Variants in MTMR8 observed in about 807,000 individuals in gnomAD.
MTMR8 encodes the protein myotubularin related protein 8, also known as phosphatidylinositol-3,5-bisphosphate 3-phosphatase MTMR8.
Under a neutral mutation model 39.3 loss-of-function variants are expected in MTMR8, and 65 were observed. That is an observed-to-expected ratio of 1.65 (90% CI 1.35 to 2.03). The LOEUF is 2.03. MTMR8 is among the 30% of genes most tolerant of loss of function. MTMR8 has a pLI of 0.00. For synonymous variants in MTMR8, 245 were observed against 185.2 expected (o/e 1.32, Z -2.62); for missense variants, 777 against 538.9 (o/e 1.44, Z -4.37).
At chrX:64,288,602 A>G (rs1171533178) in intron 12 of MTMR8, among the ~76,000 whole-genome samples, 1 of 112,032 alleles carries the variant, frequency 8.9e-6, no homozygotes, top group African/African-American at 3.2e-5. Flanking sequence ...ACAATAGCAA[A>G]GACTTGGAAC....
chrX:64,392,582 TTTTG>T (rs768992902), intron 1 of MTMR8, among the ~76,000 whole-genome samples: 5 of 110,605 alleles, frequency 4.5e-5, no homozygotes, highest in African/African-American at 1.0e-4. Flanking sequence ...ATGTTCTTTT[TTTTG>T]TTTGTTTGTT....
At chrX:64,367,295 A>T (rs1470425743) in intron 1 of MTMR8, among the ~76,000 whole-genome samples, 1 of 111,924 alleles carries the variant, frequency 8.9e-6, no homozygotes, top group African/African-American at 3.3e-5. Context: ...AGCCGGGCAG[A>T]GACACAACAA....
At chrX:64,304,207 A>T (rs1435895817) in intron 12 of MTMR8, among the ~76,000 whole-genome samples, 1 of 112,227 alleles carries the variant, frequency 8.9e-6, no homozygotes, top group Non-Finnish European at 1.9e-5. Flanking sequence ...AAGGGGAAAT[A>T]GAAAACATAA....
intron 12 of MTMR8, among the ~76,000 whole-genome samples, chrX:64,302,594 G>A (rs1433729566): frequency 1.8e-5 from 2 of 111,929 alleles, no homozygotes; most frequent in Non-Finnish European, 3.8e-5. Flanking sequence ...TCCTCCCCTC[G>A]GACCCTATGC....
At chrX:64,296,506 T>A (rs778128643) in intron 12 of MTMR8, among the ~76,000 whole-genome samples, 1 of 109,476 alleles carries the variant, frequency 9.1e-6, no homozygotes, top group Admixed American at 9.9e-5. Flanking sequence ...AAAAATACCA[T>A]GGGGCCAGAG....
intron 1 of MTMR8, among the ~76,000 whole-genome samples, chrX:64,367,024 C>T (rs190604006): frequency 2.8e-3 from 314 of 111,717 alleles, no homozygotes; most frequent in Admixed American, 4.7e-3. Context: ...TGGAAAAATT[C>T]CTGGGCACAT....
chrX:64,354,059 C>T (rs1322420169), intron 4 of MTMR8, among the ~76,000 whole-genome samples: 1 of 104,713 alleles, frequency 9.5e-6, no homozygotes, highest in Non-Finnish European at 2.0e-5. Context: ...ATGAACAAAG[C>T]ATAGAAAGAC....
In MTMR8 at chrX:64,376,336, T is replaced by C. The variant is rs1924266185; in HGVS notation, c.25-16809A>G. 8.0e-5 allele frequency among the ~76,000 whole-genome samples: 9 copies of C among 112,148 alleles called. No homozygotes were observed. In the Admixed American group the frequency reaches 8.5e-4, roughly 11 times the overall value. On this transcript the variant is annotated intron_variant, in intron 1 of 13. Coordinates refer to ENST00000374852, the MANE Select transcript of MTMR8 (RefSeq NM_017677.4). ...AAAGTTTGGAACTTCCTAGAGTTGTTGAATGGTCGTGACCAAAATGTTGAT... is the reference window on the plus strand; with the variant it reads ...AAAGTTTGGAACTTCCTAGAGTTGTCGAATGGTCGTGACCAAAATGTTGAT...
chrX:64,365,843 G>A (rs998778417), intron 1 of MTMR8, among the ~76,000 whole-genome samples: 2 of 111,561 alleles, frequency 1.8e-5, no homozygotes, highest in Non-Finnish European at 3.8e-5. Flanking sequence ...AGACCCATCA[G>A]TGTGCTGTAT....
chrX:64,345,000 C>G (rs771993787), intron 7 of MTMR8, 45 bp downstream of exon 7: 1 of 1,188,423 alleles, frequency 8.4e-7, no homozygotes, highest in Non-Finnish European at 1.1e-6. Flanking sequence ...TACATGATAA[C>G]GCAAAGCTAT....
intron 4 of MTMR8, among the ~76,000 whole-genome samples, chrX:64,352,401 G>A (rs901238394): frequency 6.3e-5 from 7 of 111,195 alleles, no homozygotes; most frequent in Non-Finnish European, 7.5e-5. Context: ...ACTATACACC[G>A]AGTCCTATGA....
rs928091023 is a variant in MTMR8, at chrX:64,287,386, T to G, written c.1482-16313A>C. ...CTCAATATCATGAAAATGGCCATAC[T>G]GCCTAAGGTAATTTATAGATTCAAT... On this transcript the variant is annotated intron_variant, in intron 12 of 13. Transcript: ENST00000374852. 8.1e-5 allele frequency among the ~76,000 whole-genome samples: 9 copies of G among 111,689 alleles called. No individual in the cohort carries two copies. In the South Asian group the frequency reaches 1.9e-3, roughly 23 times the overall value.
intron 12 of MTMR8, among the ~76,000 whole-genome samples, chrX:64,283,751 G>C (rs1285624900): frequency 1.8e-5 from 2 of 112,529 alleles, no homozygotes; most frequent in East Asian, 5.6e-4. Context: ...CAACAGACTT[G>C]CAGCTGATTG....
intron 12 of MTMR8, among the ~76,000 whole-genome samples, chrX:64,324,125 G>A (rs1922725960): frequency 8.9e-6 from 1 of 112,340 alleles, no homozygotes. Flanking sequence ...CACTTTTGGG[G>A]GGGCCAAAGT....
intron 1 of MTMR8, among the ~76,000 whole-genome samples, chrX:64,382,401 A>G (rs368010188): frequency 5.0e-4 from 56 of 110,918 alleles, no homozygotes; most frequent in African/African-American, 1.8e-3. Flanking sequence ...TTGGCTCTCT[A>G]TTTGTCTGTT....
intron 10 of MTMR8, among the ~76,000 whole-genome samples, chrX:64,335,378 C>A (rs995310689): frequency 1.8e-5 from 2 of 111,790 alleles, no homozygotes. Context: ...GCGATTTGCC[C>A]GCCTTGGCCT....
rs1457281445 is a variant in MTMR8, at chrX:64,278,459, GGTTTT to G, written c.1482-7391_1482-7387del. Among the ~76,000 whole-genome samples the G allele has an allele frequency of 1.9e-3, 93 of 49,851 alleles. 21 individuals are homozygous for G. The highest frequency in any genetic ancestry group is 9.6e-3 in the African/African-American group (84 of 8,738). 43.3% of individuals were successfully genotyped at this position (49,851 alleles called of 115,157 possible). Reference sequence around the variant, plus strand: ...TGATGTTGATGCTATTTATTTTGCTGGTTTTTTTTTTTTTTTTTTTTTTTTTTTTT... The same window carrying G: ...TGATGTTGATGCTATTTATTTTGCTGTTTTTTTTTTTTTTTTTTTTTTTTT... On this transcript the variant is annotated intron_variant, in intron 12 of 13. Transcript: ENST00000374852.
chrX:64,270,831 CA>C, intron 13 of MTMR8, 115 bp downstream of exon 13: 1 of 831,348 alleles, frequency 1.2e-6, no homozygotes, highest in Non-Finnish European at 1.7e-6. Context: ...CATGAAAAGC[CA>C]AAGAGTATAA....
At chrX:64,308,952 T>C (rs1417531013) in intron 12 of MTMR8, among the ~76,000 whole-genome samples, 6 of 112,269 alleles carry the variant, frequency 5.3e-5, no homozygotes, top group African/African-American at 1.9e-4. Flanking sequence ...TTCTGTTCCA[T>C]TGATCTATTT....
Sources: gnomAD v4.1 joint callset for allele counts (sites outside exome capture counted in the v4.1 genomes callset) on GRCh38, gnomAD v4.1.1 for gene constraint, MANE v1.5 for transcripts, NCBI Gene and HGNC (gene_info 2026-07-23, HGNC 2026-07-21) for gene names.